MAN1B1: variants seen among roughly 807,000 people sequenced by gnomAD.
The protein encoded by MAN1B1 is endoplasmic reticulum mannosyl-oligosaccharide 1,2-alpha-mannosidase.
In MAN1B1, 66 loss-of-function variants were observed where a neutral mutation model predicts 75.5. The ratio of observed to expected loss-of-function variants is 0.87; its 90% CI spans 0.72 to 1.07. MAN1B1 has a LOEUF of 1.07. Among genes scored for constraint, MAN1B1 ranks in the 50% least tolerant of loss-of-function variants. The probability of loss-of-function intolerance (pLI) is 0.00; values close to 1 mark genes in which losing one functional copy is unlikely to be tolerated. For synonymous variants in MAN1B1, 453 were observed against 382.8 expected, an observed-to-expected ratio of 1.18 and a Z score of -2.14; for missense variants, 973 against 912.5, an observed-to-expected ratio of 1.07 and a Z score of -0.85.
Position 137,101,134 on chromosome 9 carries a change from G to A in MAN1B1, c.1046G>A (p.Ser349Asn). 6.2e-7 allele frequency: 1 copy of A among 1,614,028 alleles called. No individual in the cohort carries two copies. Among genetic ancestry groups the A allele is most frequent in the Non-Finnish European group, 8.5e-7 (1 of 1,180,034 alleles). ...LLSAYHLSGD[S>N]LFLRKAEDFG... ...AGTGCCTACCACCTGTCTGGGGACAGCCTCTTCCTGAGGAAAGCTGTAAGT... is the reference window on the plus strand; with the variant it reads ...AGTGCCTACCACCTGTCTGGGGACAACCTCTTCCTGAGGAAAGCTGTAAGT... Residue 349 changes from serine (S) to asparagine (N), a missense_variant, in exon 7 of 13, where the codon AGC becomes AAC. Physicochemically the swap from Ser to Asn is conservative, Grantham distance 46. Coordinates refer to ENST00000371589, the MANE Select transcript of MAN1B1 (RefSeq NM_016219.5).
At chr9:137,101,972 C>G in intron 8 of MAN1B1, 1 of 554,544 alleles carries the variant, frequency 1.8e-6, no homozygotes, top group Non-Finnish European at 3.4e-6. Flanking sequence ...GTGTTACACA[C>G]ATGCTGTTGC....
In MAN1B1 at chr9:137,088,071, T is replaced by A; in HGVS notation, c.220-4T>A. The stretch of plus-strand genomic sequence containing the variant: ...AGAAATGTCATTCTCTGTACCTCCC[T>A]TAGAAATGGAAGCAACTGTCGAGAT... On this transcript the variant is annotated splice_region_variant and splice_polypyrimidine_tract_variant and intron_variant, in intron 1 of 12. Transcript: ENST00000371589. 6.2e-7 allele frequency: 1 copy of A among 1,611,738 alleles called. No homozygotes were observed. The highest frequency in any genetic ancestry group is 8.5e-7 in the Non-Finnish European group (1 of 1,177,782).
intron 6 of MAN1B1, among the ~76,000 whole-genome samples, chr9:137,100,359 G>A (rs543511848): frequency 6.6e-6 from 1 of 152,290 alleles, no homozygotes; most frequent in African/African-American, 2.4e-5. Flanking sequence ...TTTTTGGGTC[G>A]TAGCCTTTGG....
Position 137,108,576 on chromosome 9 carries a change from C to A in MAN1B1, c.2085C>A (p.Ile695=). 1 of 1,613,798 alleles carries A rather than the reference C, an allele frequency of 6.2e-7. No individual in the cohort carries two copies. The highest frequency in any genetic ancestry group is 8.5e-7 in the Non-Finnish European group (1 of 1,180,010). ...VFNTEAHPLP[I]WTPA ...ACACCGAAGCCCACCCTCTGCCTAT[C>A]TGGACCCCTGCCTAGGGTGGATGGC... Residue 695 remains isoleucine (I), a synonymous_variant, in exon 13 of 13, where the codon ATC becomes ATA. Transcript: ENST00000371589.
At chr9:137,098,033 G>A (rs1020030394) in intron 5 of MAN1B1, 96 bp downstream of exon 5, 32 of 878,612 alleles carry the variant, frequency 3.6e-5, no homozygotes, top group Middle Eastern at 3.2e-4. Context: ...TGGCGCCCCC[G>A]CCCTGGTGTG....
intron 6 of MAN1B1, 135 bp from the exon 7 acceptor site, chr9:137,100,870 T>C: frequency 1.0e-6 from 1 of 970,276 alleles, no homozygotes; most frequent in Non-Finnish European, 1.6e-6. Flanking sequence ...TCCACTTGCC[T>C]CAGCCTCCCA....
At chr9:137,088,449 C>T in intron 2 of MAN1B1, 1 of 1,533,574 alleles carries the variant, frequency 6.5e-7, no homozygotes. Context: ...AGCTGGTGGG[C>T]TTGAACACTC....
At chr9:137,108,004 G>T in intron 12 of MAN1B1, 1 of 620,204 alleles carries the variant, frequency 1.6e-6, no homozygotes, top group South Asian at 1.9e-5. Context: ...CCCCACTGTG[G>T]ACCAGGCCCT....
At chr9:137,106,353 C>T in intron 9 of MAN1B1, 38 bp downstream of exon 9, 2 of 1,529,340 alleles carry the variant, frequency 1.3e-6, no homozygotes, top group South Asian at 2.4e-5. Flanking sequence ...CCCGCGGCTC[C>T]CCCGTTCCCG....
intron 8 of MAN1B1, chr9:137,102,478 CATTCTG>C (rs1830880497): frequency 2.5e-6 from 1 of 404,784 alleles, no homozygotes; most frequent in Admixed American, 2.8e-5. Context: ...TACACACATT[CATTCTG>C]TTGCAGGCGT....
Position 137,097,070 on chromosome 9 carries a change from G to A in MAN1B1, c.620+679G>A, listed in dbSNP as rs115621144. Among the ~76,000 whole-genome samples the A allele has an allele frequency of 3.0e-3, 464 of 152,360 alleles. 2 individuals carry two copies. Among genetic ancestry groups the A allele is most frequent in the African/African-American group, 0.011 (442 of 41,578 alleles). On this transcript the variant is annotated intron_variant, in intron 4 of 12. Coordinates refer to ENST00000371589, the MANE Select transcript of MAN1B1 (RefSeq NM_016219.5). Reference sequence around the variant, plus strand: ...GCCCAGAGGCCCTGAACTCAAGCGCGTGGTGAGAGGCGTGGACATGTGCAT... The same window carrying A: ...GCCCAGAGGCCCTGAACTCAAGCGCATGGTGAGAGGCGTGGACATGTGCAT...
chr9:137,089,101 T>A, intron 3 of MAN1B1, 96 bp downstream of exon 3: 1 of 1,459,326 alleles, frequency 6.9e-7, no homozygotes, highest in Non-Finnish European at 9.6e-7. Flanking sequence ...CCTTTACCAT[T>A]TATTACCACG....
At chr9:137,088,043 G>A (rs1173679317) in intron 1 of MAN1B1, 32 bp from the exon 2 acceptor site, 2 of 1,519,430 alleles carry the variant, frequency 1.3e-6, no homozygotes, top group East Asian at 4.5e-5. Flanking sequence ...GATATATTCA[G>A]TAAGAAATGT....
At chr9:137,095,641 C>T (rs1025508106) in intron 3 of MAN1B1, among the ~76,000 whole-genome samples, 4 of 152,190 alleles carry the variant, frequency 2.6e-5, no homozygotes, top group African/African-American at 7.2e-5. Flanking sequence ...TCTAGACTCA[C>T]GTAGGAGGAC....
At chr9:137,099,935 T>C in intron 6 of MAN1B1, 54 bp downstream of exon 6, 3 of 1,591,696 alleles carry the variant, frequency 1.9e-6, no homozygotes, top group Non-Finnish European at 2.6e-6. Flanking sequence ...CCTCGTGTGC[T>C]GAGGCAGAGT....
intron 9 of MAN1B1, 113 bp downstream of exon 9, chr9:137,106,428 G>A (rs1366517800): frequency 1.8e-6 from 2 of 1,109,926 alleles, no homozygotes; most frequent in African/African-American, 1.6e-5. Context: ...CCGCCACACT[G>A]TGTGTCAGGA....
chr9:137,101,075 T>C lies in MAN1B1; in HGVS notation c.987T>C (p.Phe329=). ...AAAAGGACGTGGACGTCAACCTGTT[T>C]GAGAGCACGATCCGCATCCTGGGGG... ...HFEKDVDVNL[F]ESTIRILGGL... Residue 329 remains phenylalanine, a synonymous_variant, in exon 7 of 13, where the codon TTT becomes TTC. Transcript: ENST00000371589. 1 of 1,614,160 alleles carries C rather than the reference T, an allele frequency of 6.2e-7. No individual in the cohort carries two copies. The highest frequency in any genetic ancestry group is 1.3e-5 in the African/African-American group (1 of 75,046).
chr9:137,094,947 G>T (rs887649496), intron 3 of MAN1B1, among the ~76,000 whole-genome samples: 6 of 151,872 alleles, frequency 4.0e-5, no homozygotes, highest in Non-Finnish European at 8.8e-5. Flanking sequence ...CAGCACTTTG[G>T]GAGGCTGAGG....
At chr9:137,096,655 C>G (rs1010970650) in intron 4 of MAN1B1, among the ~76,000 whole-genome samples, 1 of 152,180 alleles carries the variant, frequency 6.6e-6, no homozygotes. Context: ...TGCACAGGTG[C>G]GTGGGGATGG....
Sources: allele counts gnomAD v4.1 joint callset (sites outside exome capture counted in the v4.1 genomes callset), GRCh38; gene constraint gnomAD v4.1.1; transcripts MANE v1.5; gene names NCBI Gene and HGNC (gene_info 2026-07-23, HGNC 2026-07-21).